The following SAMD13 variants were observed in gnomAD, a reference collection of about 807,000 sequenced individuals.
SAMD13 encodes sterile alpha motif domain-containing protein 13.
SAMD13 carries 9 observed loss-of-function variants against 12.4 expected under a neutral mutation model. The observed-to-expected ratio is 0.72, with a 90% CI of 0.44 to 1.26. The LOEUF (loss-of-function observed/expected upper bound fraction) is 1.26. SAMD13 is among the 50% of genes most tolerant of loss of function. The pLI is 0.00. For synonymous variants in SAMD13, 46 were observed against 45.4 expected (o/e 1.01, Z -0.05); for missense variants, 84 against 119.6 (o/e 0.70, Z 1.39).
chr1:84,315,824 A>G (rs1351708666), intron 2 of SAMD13, among the ~76,000 whole-genome samples: 1 of 152,046 alleles, frequency 6.6e-6, no homozygotes, highest in Admixed American at 6.6e-5. Context: ...CTGCATTTCT[A>G]CCATTTCTAC....
At chr1:84,333,920 A>G (rs1679243303) in intron 3 of SAMD13, among the ~76,000 whole-genome samples, 1 of 152,016 alleles carries the variant, frequency 6.6e-6, no homozygotes, top group African/African-American at 2.4e-5. Flanking sequence ...ATTGTGGGAG[A>G]TTAGCTTTTT....
At chr1:84,302,948 G>A (rs570065871) in intron 1 of SAMD13, 1 of 327,668 alleles carries the variant, frequency 3.1e-6, no homozygotes, top group African/African-American at 2.1e-5. Flanking sequence ...TTTTCAACGA[G>A]GATTCAATTT....
chr1:84,325,544 A>G, intron 2 of SAMD13, 93 bp from the exon 3 acceptor site: 3 of 737,098 alleles, frequency 4.1e-6, no homozygotes, highest in Admixed American at 4.3e-5. Context: ...CCCAAAAAAC[A>G]TGAAAGGCCT....
intron 2 of SAMD13, among the ~76,000 whole-genome samples, chr1:84,307,905 A>G (rs1345209516): frequency 6.6e-6 from 1 of 152,038 alleles, no homozygotes; most frequent in East Asian, 1.9e-4. Context: ...ATTCCCTCTA[A>G]ACCTTCAAGG....
rs1274433648 is a variant in SAMD13 at position 84,301,820 on chromosome 1, C to G, written c.-33+19C>G. On this transcript the variant is annotated intron_variant, in intron 1 of 3. Coordinates refer to ENST00000394834, the MANE Select transcript of SAMD13 (RefSeq NM_001134663.2). ...CTTATAGGTAGGTTTTCTTTTTACT[C>G]TTCCACAGAAAAGAAAATAATAGTA... The G allele has an allele frequency of 1.1e-6, 1 of 935,692 alleles. No homozygotes were observed. Among genetic ancestry groups the G allele is most frequent in the African/African-American group, 1.8e-5 (1 of 56,264 alleles). The allele number at this position is 935,692 out of a possible 1,614,324, so 58.0% of individuals were successfully genotyped here.
Position 84,350,491 on chromosome 1 carries a change from A to G in SAMD13, c.*717A>G, listed in dbSNP as rs957033030. 3.3e-5 allele frequency: 5 copies of G among 152,626 alleles called. No homozygotes were observed. The highest frequency in any genetic ancestry group is 6.5e-5 in the Admixed American group (1 of 15,272). The allele number at this position is 152,626 out of a possible 1,614,324, so 9.5% of individuals were successfully genotyped here. On this transcript the variant is annotated 3_prime_UTR_variant, in exon 4 of 4. Coordinates refer to ENST00000394834, the MANE Select transcript of SAMD13 (RefSeq NM_001134663.2). ...TAAATTGGTTCTTTGTTTCTGAAGAAAGAATTTTTTTTAACTTCATGGTTT... is the reference window on the plus strand; with the variant it reads ...TAAATTGGTTCTTTGTTTCTGAAGAGAGAATTTTTTTTAACTTCATGGTTT...
intron 2 of SAMD13, among the ~76,000 whole-genome samples, chr1:84,309,895 G>A (rs1198535140): frequency 6.6e-6 from 1 of 151,938 alleles, no homozygotes; most frequent in Non-Finnish European, 1.5e-5. Flanking sequence ...TTTAAAATGC[G>A]GCAATTCTAA....
chr1:84,318,272 CT>C (rs1274087397), intron 2 of SAMD13, among the ~76,000 whole-genome samples: 2 of 151,502 alleles, frequency 1.3e-5, no homozygotes, highest in Non-Finnish European at 2.9e-5. Context: ...CTTAATACTG[CT>C]TCTGTTTCAT....
chr1:84,334,991 C>T (rs908191225), intron 3 of SAMD13, among the ~76,000 whole-genome samples: 1 of 151,802 alleles, frequency 6.6e-6, no homozygotes, highest in Non-Finnish European at 1.5e-5. Flanking sequence ...TAGAGTATAT[C>T]GCATGTGCAG....
chr1:84,322,799 A>G (rs934305387), intron 2 of SAMD13, among the ~76,000 whole-genome samples: 29 of 152,116 alleles, frequency 1.9e-4, no homozygotes, highest in Non-Finnish European at 3.5e-4. Flanking sequence ...GTACACTGCC[A>G]GCAGTTTTAC....
intron 3 of SAMD13, among the ~76,000 whole-genome samples, chr1:84,339,874 T>C (rs756787570): frequency 6.6e-6 from 1 of 152,156 alleles, no homozygotes; most frequent in Non-Finnish European, 1.5e-5. Flanking sequence ...TAGATTAAAA[T>C]TGAAATAAAT....
At chr1:84,303,042 T>G in intron 1 of SAMD13, 161 bp from the exon 2 acceptor site, 1 of 561,032 alleles carries the variant, frequency 1.8e-6, no homozygotes, top group Non-Finnish European at 3.1e-6. Flanking sequence ...TCTTTAGGTT[T>G]AATCACATCT....
Position 84,350,178 on chromosome 1 carries a change from G to T in SAMD13, c.*404G>T. 1 of 154,576 alleles carries T rather than the reference G, an allele frequency of 6.5e-6. No homozygotes were observed. The highest frequency in any genetic ancestry group is 1.4e-5 in the Non-Finnish European group (1 of 69,684). 9.6% of individuals were successfully genotyped at this position (154,576 alleles called of 1,614,324 possible). A position where few individuals can be genotyped will look rare whatever the true frequency, so the allele number is the denominator to read the frequency against. ...TAAAAACAAGAAAATTTGGGGAGGG[G>T]GAGAAAGAAGAAAGGGATTGCTGTC... On this transcript the variant is annotated 3_prime_UTR_variant, in exon 4 of 4. Transcript: ENST00000394834.
At chr1:84,298,646 A>C, upstream of SAMD13, 1 of 1,221,504 alleles carries the variant, frequency 8.2e-7, no homozygotes, top group South Asian at 4.1e-5. Flanking sequence ...GAAACGAAGA[A>C]TGCCGCAATG....
At chr1:84,336,880 T>C (rs1200964949) in intron 3 of SAMD13, among the ~76,000 whole-genome samples, 1 of 152,182 alleles carries the variant, frequency 6.6e-6, no homozygotes, top group African/African-American at 2.4e-5. Flanking sequence ...ACAGGCATTA[T>C]GTAAATACAG....
upstream of SAMD13, among the ~76,000 whole-genome samples, chr1:84,300,866 G>A (rs369193084): frequency 2.4e-4 from 36 of 152,230 alleles, no homozygotes; most frequent in East Asian, 3.1e-3. Context: ...ATTTTGGGGT[G>A]GGCATAATGT....
intron 2 of SAMD13, among the ~76,000 whole-genome samples, chr1:84,321,831 T>C (rs1458583023): frequency 6.6e-6 from 1 of 152,132 alleles, no homozygotes; most frequent in Admixed American, 6.5e-5. Context: ...CTTACGCTTG[T>C]TATGTTATTT....
chr1:84,298,705 C>A, upstream of SAMD13: 1 of 821,168 alleles, frequency 1.2e-6, no homozygotes, highest in Non-Finnish European at 1.6e-6. Context: ...GTGTCCGGTG[C>A]TCCTGCAGCT....
chr1:84,344,926 CA>C (rs1189738284), intron 3 of SAMD13: 6 of 456,524 alleles, frequency 1.3e-5, no homozygotes, highest in Non-Finnish European at 2.6e-5. Flanking sequence ...ATGGCAGAGA[CA>C]AAAAACATTT....
Sources: allele counts gnomAD v4.1 joint callset (sites outside exome capture counted in the v4.1 genomes callset), GRCh38; gene constraint gnomAD v4.1.1; transcripts MANE v1.5; gene names NCBI Gene and HGNC (gene_info 2026-07-23, HGNC 2026-07-21).